HPSE2: variants seen among roughly 807,000 people sequenced by gnomAD.
HPSE2 encodes inactive heparanase-2.
HPSE2 carries 38 observed loss-of-function variants against 60.5 expected under a neutral mutation model. The observed-to-expected ratio is 0.63, with a 90% CI of 0.48 to 0.82. The LOEUF is 0.82. Ranked by LOEUF, HPSE2 falls within the 40% of genes least tolerant of loss-of-function variation. The pLI, the probability that HPSE2 is intolerant of heterozygous loss-of-function variation, is 0.00. For synonymous variants in HPSE2, 295 were observed against 293.2 expected, an observed-to-expected ratio of 1.01 and a Z score of -0.06; for missense variants, 713 against 740.4, an observed-to-expected ratio of 0.96 and a Z score of 0.43.
chr10:98,551,910 G>A (rs621644), intron 9 of HPSE2, among the ~76,000 whole-genome samples: 61,440 of 151,858 alleles, frequency 0.4, 13,105 homozygotes, highest in African/African-American at 0.54. Flanking sequence ...AAATCACTGA[G>A]TCAGTAACCC....
chr10:99,296,991 G>A, the HPSE2 span, among the ~76,000 whole-genome samples: 2 of 152,164 alleles, frequency 1.3e-5, no homozygotes, highest in South Asian at 4.2e-4. Context: ...AGCAGAGAGG[G>A]AGCAAAGCAG....
At chr10:98,478,402 G>T (rs1310092004) in intron 11 of HPSE2, among the ~76,000 whole-genome samples, 1 of 152,012 alleles carries the variant, frequency 6.6e-6, no homozygotes, top group Admixed American at 6.6e-5. Context: ...AGGAAACAGG[G>T]GGAATGGGGA....
chr10:98,620,679 C>G lies in HPSE2; in HGVS notation c.1128G>C (p.Lys376Asn). 6.2e-7 allele frequency: 1 copy of G among 1,614,012 alleles called. No homozygotes were observed. Among genetic ancestry groups the G allele is most frequent in the Non-Finnish European group, 8.5e-7 (1 of 1,179,900 alleles). Residue 376 changes from lysine (K) to asparagine (N), a missense_variant, in exon 8 of 12, where the codon AAG (lysine) becomes AAC (asparagine). Coordinates refer to ENST00000370552, the MANE Select transcript of HPSE2 (RefSeq NM_021828.5). The stretch of plus-strand genomic sequence containing the variant: ...TGGTCACCACACCTTCAAGCCAAAT[C>G]TTCTTTCCTGGAGTGTATGTATTAA... ...KVVNTYTPGKKIWLEGVVTTS... is the reference protein window; with the variant it reads ...KVVNTYTPGKNIWLEGVVTTS...
intron 3 of HPSE2, among the ~76,000 whole-genome samples, chr10:99,000,392 G>C (rs1054112579): frequency 6.6e-6 from 1 of 152,128 alleles, no homozygotes; most frequent in African/African-American, 2.4e-5. Flanking sequence ...GAAAGATCAG[G>C]CTGGAAATTT....
intron 9 of HPSE2, among the ~76,000 whole-genome samples, chr10:98,504,782 T>G (rs1190194189): frequency 7.6e-6 from 1 of 132,208 alleles, no homozygotes; most frequent in East Asian, 2.3e-4. Context: ...AGAGGGAGAC[T>G]CCGTCTCAAA....
intron 2 of HPSE2, among the ~76,000 whole-genome samples, chr10:99,167,389 A>C (rs972859565): frequency 6.6e-6 from 1 of 152,208 alleles, no homozygotes; most frequent in South Asian, 2.1e-4. Context: ...TAGAAGTTTT[A>C]TAAGTGTTGT....
intron 3 of HPSE2, among the ~76,000 whole-genome samples, chr10:98,986,889 C>A (rs1956371272): frequency 6.6e-6 from 1 of 152,164 alleles, no homozygotes; most frequent in South Asian, 2.1e-4. Context: ...ACTAGAAAAT[C>A]TAGAAGAAAT....
At chr10:98,882,043 G>A (rs779057103) in intron 3 of HPSE2, among the ~76,000 whole-genome samples, 1 of 152,054 alleles carries the variant, frequency 6.6e-6, no homozygotes, top group African/African-American at 2.4e-5. Context: ...AGCTAGCAGA[G>A]GTGACAGGCA....
At chr10:98,962,591 CAGG>C (rs1955706724) in intron 3 of HPSE2, among the ~76,000 whole-genome samples, 1 of 150,540 alleles carries the variant, frequency 6.6e-6, no homozygotes, top group African/African-American at 2.5e-5. Context: ...AGCAATCAGG[CAGG>C]AGAAGGAAAT....
chr10:98,983,414 T>C (rs1464494297), intron 3 of HPSE2, among the ~76,000 whole-genome samples: 2 of 152,168 alleles, frequency 1.3e-5, no homozygotes, highest in African/African-American at 4.8e-5. Flanking sequence ...GATACGATGT[T>C]GGAAATGGAA....
chr10:98,821,418 A>G (rs1343699860), intron 3 of HPSE2, among the ~76,000 whole-genome samples: 1 of 152,220 alleles, frequency 6.6e-6, no homozygotes. Flanking sequence ...AACATATCTC[A>G]ACATAGAAAA....
rs1026296282 is a variant in HPSE2, at chr10:99,126,774, G to A, written c.610+17464C>T. 6.6e-6 allele frequency among the ~76,000 whole-genome samples: 1 copy of A among 152,180 alleles called. No homozygotes were observed. The highest frequency in any genetic ancestry group is 1.5e-5 in the Non-Finnish European group (1 of 68,036). On this transcript the variant is annotated intron_variant, in intron 3 of 11. Transcript: ENST00000370552. This position sits in a 1 kb window ranked among gnomAD's most constrained non-coding sequence, Gnocchi z 4.0. ...CTCCCCTGCCACCTCCACCACAGCAGACACTAGTATCCATGGCTGAGACCT... is the reference window on the plus strand; with the variant it reads ...CTCCCCTGCCACCTCCACCACAGCAAACACTAGTATCCATGGCTGAGACCT...
intron 3 of HPSE2, among the ~76,000 whole-genome samples, chr10:99,059,288 T>C (rs1056919570): frequency 6.6e-6 from 1 of 152,204 alleles, no homozygotes; most frequent in Non-Finnish European, 1.5e-5. Context: ...TTACCCAGAA[T>C]AGATTTTTTT....
intron 3 of HPSE2, among the ~76,000 whole-genome samples, chr10:98,897,057 C>T (rs922443293): frequency 1.3e-5 from 2 of 152,100 alleles, no homozygotes; most frequent in East Asian, 1.9e-4. Context: ...AGCTGGAGGC[C>T]GTTACTCTAA....
chr10:98,571,283 C>T (rs868104048), intron 9 of HPSE2, among the ~76,000 whole-genome samples: 21 of 152,154 alleles, frequency 1.4e-4, no homozygotes, highest in African/African-American at 1.2e-4. Context: ...GCAGGAGTAT[C>T]GCTTGAGGTC....
At chr10:98,648,487 G>C (rs1946833689) in intron 6 of HPSE2, among the ~76,000 whole-genome samples, 1 of 152,126 alleles carries the variant, frequency 6.6e-6, no homozygotes. Context: ...GAAATCAAAA[G>C]TACAAAACAA....
chr10:98,878,579 A>G (rs1393283081), intron 3 of HPSE2, among the ~76,000 whole-genome samples: 1 of 152,000 alleles, frequency 6.6e-6, no homozygotes, highest in Admixed American at 6.6e-5. Flanking sequence ...CCTAGTGATT[A>G]GACATTTAGT....
chr10:99,025,786 A>G (rs1309931420), intron 3 of HPSE2, among the ~76,000 whole-genome samples: 1 of 152,096 alleles, frequency 6.6e-6, no homozygotes, highest in Non-Finnish European at 1.5e-5. Flanking sequence ...TGATGAAATA[A>G]CATTGGGTGA....
chr10:98,764,326 G>A (rs1950071645), intron 3 of HPSE2, among the ~76,000 whole-genome samples: 1 of 151,682 alleles, frequency 6.6e-6, no homozygotes, highest in Non-Finnish European at 1.5e-5. Context: ...AGAAATGGGG[G>A]AATAGAGGTA....
Sources: allele counts gnomAD v4.1 joint callset (sites outside exome capture counted in the v4.1 genomes callset), GRCh38; gene constraint gnomAD v4.1.1; non-coding constraint Gnocchi (gnomAD v3.1); transcripts MANE v1.5; gene names NCBI Gene and HGNC (gene_info 2026-07-23, HGNC 2026-07-21).